ZBTB7B: variants seen among roughly 807,000 people sequenced by gnomAD.
The protein encoded by ZBTB7B is zinc finger and BTB domain containing 7B.
A neutral mutation model predicts 31.0 loss-of-function variants in ZBTB7B; 8 were observed. The observed-to-expected ratio is 0.26, with a 90% CI of 0.15 to 0.47. ZBTB7B has a LOEUF of 0.47. ZBTB7B is among the 20% of genes least tolerant of loss of function. The pLI, the probability that ZBTB7B is intolerant of heterozygous loss-of-function variation, is 0.99. For synonymous variants in ZBTB7B, 261 were observed against 307.3 expected (o/e 0.85, Z 1.58); for missense variants, 494 against 742.4 (o/e 0.67, Z 3.89).
rs900196039 is a variant in ZBTB7B at position 155,016,041 on chromosome 1, A to C, written c.1155-179A>C. ...AGGAGGGCAGTGCTGGAAGCAGAGG[A>C]GTGGATAATGACAAGGCCTAGTTAA... On this transcript the variant is annotated intron_variant, in intron 2 of 2. Coordinates refer to ENST00000535420, the MANE Select transcript of ZBTB7B (RefSeq NM_001256455.2). The surrounding 1 kb of genome is among the most constrained non-coding windows in gnomAD (Gnocchi z 4.3). Among the ~76,000 whole-genome samples, 3 of 152,078 alleles carry C rather than the reference A, an allele frequency of 2.0e-5. No individual in the cohort carries two copies. Among genetic ancestry groups the C allele is most frequent in the African/African-American group, 7.2e-5 (3 of 41,394 alleles).
rs148745415 is a variant in ZBTB7B at position 155,017,347 on chromosome 1, T to TGGGGGCAGTAGA, written c.*667_*678dup. 2,887 of 151,258 alleles carry TGGGGGCAGTAGA rather than the reference T, an allele frequency of 0.019. 45 individuals carry two copies. The highest frequency in any genetic ancestry group is 0.032 in the African/African-American group (1,338 of 41,202). 9.4% of individuals were successfully genotyped at this position (151,258 alleles called of 1,614,324 possible). A position where few individuals can be genotyped will look rare whatever the true frequency, so the allele number is the denominator to read the frequency against. ...GTGGCCTGATTGGCTCGCCTGCCCC[T>TGGGGGCAGTAGA]GGGGGCAGTAGAGGGGCCCCGCCCA... is the stretch of plus-strand genomic sequence containing the variant. On this transcript the variant is annotated 3_prime_UTR_variant, in exon 3 of 3. Coordinates refer to ENST00000535420, the MANE Select transcript of ZBTB7B (RefSeq NM_001256455.2).
chr1:155,007,597 G>A (rs1315808185), intron 1 of ZBTB7B, among the ~76,000 whole-genome samples: 2 of 152,212 alleles, frequency 1.3e-5, no homozygotes, highest in Admixed American at 6.5e-5. Context: ...GCTACCTCTT[G>A]AGGAGGTGGT....
chr1:155,016,210 C>T lies in ZBTB7B; in HGVS notation c.1155-10C>T. 1 of 1,610,876 alleles carries T rather than the reference C, an allele frequency of 6.2e-7. No homozygotes were observed. The highest frequency in any genetic ancestry group is 8.5e-7 in the Non-Finnish European group (1 of 1,177,554). ...AACACCTCCCTGCCCCTCACCCCTG[C>T]CTGTGCCAGGAACGACAAGCTGAAG... On this transcript the variant is annotated splice_polypyrimidine_tract_variant and intron_variant, in intron 2 of 2. Transcript: ENST00000535420. The surrounding 1 kb of genome is among the most constrained non-coding windows in gnomAD (Gnocchi z 4.3).
At position 155,003,931 on chromosome 1, in the gene ZBTB7B, G is replaced by T. The variant is rs1658401649; in HGVS notation, c.-7+988G>T. Reference sequence around the variant, plus strand: ...GGGGGCGGCGTGGGCAGCGGGTTGTGCCCGGACACGTGCCTGCCCAGGCGC... The same window carrying T: ...GGGGGCGGCGTGGGCAGCGGGTTGTTCCCGGACACGTGCCTGCCCAGGCGC... On this transcript the variant is annotated intron_variant, in intron 1 of 2. Coordinates refer to ENST00000535420, the MANE Select transcript of ZBTB7B (RefSeq NM_001256455.2). The surrounding 1 kb of genome is among the most constrained non-coding windows in gnomAD (Gnocchi z 5.8). 6.6e-6 allele frequency among the ~76,000 whole-genome samples: 1 copy of T among 152,186 alleles called. No individual in the cohort carries two copies. Among genetic ancestry groups the T allele is most frequent in the African/African-American group, 2.4e-5 (1 of 41,448 alleles).
At chr1:155,011,880 G>A (rs533916601) in intron 1 of ZBTB7B, among the ~76,000 whole-genome samples, 55 of 151,310 alleles carry the variant, frequency 3.6e-4, no homozygotes, top group African/African-American at 1.3e-3. Context: ...CCCAGATGAT[G>A]GGTCTAGGAG....
intron 1 of ZBTB7B, chr1:155,014,203 G>A (rs1050326117): frequency 2.9e-5 from 15 of 509,260 alleles, no homozygotes; most frequent in Non-Finnish European, 3.6e-5. Context: ...TACCACCCCC[G>A]GTCCTTCAGC....
Position 155,003,269 on chromosome 1 carries a change from G to T in ZBTB7B, c.-7+326G>T, listed in dbSNP as rs528103159. The stretch of plus-strand genomic sequence containing the variant: ...TGAGGCGACGCTGAGCGTTCCCCCA[G>T]TCTCCTTCGTGACTTTAGGGGGAGA... On this transcript the variant is annotated intron_variant, in intron 1 of 2. Transcript: ENST00000535420. The surrounding 1 kb of genome is among the most constrained non-coding windows in gnomAD (Gnocchi z 5.8). Among the ~76,000 whole-genome samples the T allele has an allele frequency of 6.6e-6, 1 of 152,314 alleles. No individual in the cohort carries two copies. The highest frequency in any genetic ancestry group is 2.1e-4 in the South Asian group (1 of 4,830).
chr1:155,005,117 G>C (rs1003228259), intron 1 of ZBTB7B, among the ~76,000 whole-genome samples: 1 of 152,122 alleles, frequency 6.6e-6, no homozygotes, highest in African/African-American at 2.4e-5. Flanking sequence ...GGGAGGGTGC[G>C]GCGGGCAGCG....
upstream of ZBTB7B, among the ~76,000 whole-genome samples, chr1:155,002,334 G>T (rs141270835): frequency 1.2e-4 from 18 of 150,274 alleles, no homozygotes; most frequent in Admixed American, 4.0e-4. Flanking sequence ...CAGGAGAAAG[G>T]GGGGGGAGAG....
chr1:155,005,720 G>A lies in ZBTB7B; in HGVS notation c.-7+2777G>A, dbSNP rs182959816. Among the ~76,000 whole-genome samples, 10 of 152,334 alleles carry A rather than the reference G, an allele frequency of 6.6e-5. No homozygotes were observed. In the East Asian group the frequency reaches 1.9e-3, roughly 29 times the overall value. Reference sequence around the variant, plus strand: ...GAGAGAACAGTGGGGGAGGAAGGTGGGGACAGGCAGATGGATAGGACCCTG... The same window carrying A: ...GAGAGAACAGTGGGGGAGGAAGGTGAGGACAGGCAGATGGATAGGACCCTG... On this transcript the variant is annotated intron_variant, in intron 1 of 2. Coordinates refer to ENST00000535420, the MANE Select transcript of ZBTB7B (RefSeq NM_001256455.2).
intron 1 of ZBTB7B, 129 bp from the exon 2 acceptor site, chr1:155,014,526 A>T: frequency 1.3e-6 from 1 of 757,990 alleles, no homozygotes; most frequent in Non-Finnish European, 2.1e-6. Flanking sequence ...AGATGAAATG[A>T]GTGTAAAGTA....
Position 155,015,372 on chromosome 1 carries a change from G to A in ZBTB7B, c.712G>A (p.Val238Met). The change falls in exon 2 of 3, where the codon GTG becomes ATG. Residue 238 changes from valine (V) to methionine (M), a missense_variant. Val to Met is a conservative substitution (Grantham distance 21). Coordinates refer to ENST00000535420, the MANE Select transcript of ZBTB7B (RefSeq NM_001256455.2). ...TCCCTTGACCTATGAGGAGGAGGAGGTGGCGGGCAGAGTGGGCAGCAGTGG... is the reference window on the plus strand; with the variant it reads ...TCCCTTGACCTATGAGGAGGAGGAGATGGCGGGCAGAGTGGGCAGCAGTGG... ...AHPLTYEEEE[V>M]AGRVGSSGGS... 1 of 1,573,830 alleles carries A rather than the reference G, an allele frequency of 6.4e-7. No homozygotes were observed. Among genetic ancestry groups the A allele is most frequent in the Non-Finnish European group, 8.6e-7 (1 of 1,156,286 alleles).
chr1:155,015,640 C>T lies in ZBTB7B; in HGVS notation c.980C>T (p.Ala327Val). Residue 327 changes from alanine (A) to valine (V), a missense_variant, in exon 2 of 3, where the codon GCA becomes GTA. Physicochemically the swap from Ala to Val is moderately conservative, Grantham distance 64 (BLOSUM62 0). This residue lies in a region of ZBTB7B where 216 missense variants were observed against 229.3 expected (regional missense o/e 0.94). Transcript: ENST00000535420. The part of the protein sequence containing the change: ...YLSSLHQDNL[A>V]PGLDSQDKLV... ...AGCTCCCTGCACCAGGACAACCTGG[C>T]ACCAGGCCTGGACAGCCAAGACAAG... The T allele has an allele frequency of 6.2e-7, 1 of 1,612,220 alleles. No homozygotes were observed.
rs1659613724 is a variant in ZBTB7B, at chr1:155,018,261, A to C, written c.*1576A>C. The C allele has an allele frequency of 4.5e-6, 2 of 447,736 alleles. No homozygotes were observed. The allele number at this position is 447,736 out of a possible 1,614,324, so 27.7% of individuals were successfully genotyped here. ...TATCTATTTAAAAAGTGATGATGTA[A>C]TATATTGGGGTGGCGGGGAGATCGG... On this transcript the variant is annotated 3_prime_UTR_variant, in exon 3 of 3. Coordinates refer to ENST00000535420, the MANE Select transcript of ZBTB7B (RefSeq NM_001256455.2).
chr1:155,010,910 T>A, intron 1 of ZBTB7B: 1 of 1,534,716 alleles, frequency 6.5e-7, no homozygotes, highest in East Asian at 2.4e-5. Context: ...CCATCATCCC[T>A]GGCAGGAAGA....
Position 155,016,078 on chromosome 1 carries a change from G to C in ZBTB7B, c.1155-142G>C. Reference sequence around the variant, plus strand: ...CAAGGCCTAGTTAAGCTAGAGGTGAGCTAGCAGGGTATCTCCTGGGGCAAT... The same window carrying C: ...CAAGGCCTAGTTAAGCTAGAGGTGACCTAGCAGGGTATCTCCTGGGGCAAT... On this transcript the variant is annotated intron_variant, in intron 2 of 2. Transcript: ENST00000535420. The surrounding 1 kb of genome is among the most constrained non-coding windows in gnomAD (Gnocchi z 4.3). 1.0e-6 allele frequency: 1 copy of C among 958,156 alleles called. No individual in the cohort carries two copies. Among genetic ancestry groups the C allele is most frequent in the Non-Finnish European group, 1.6e-6 (1 of 645,084 alleles). The allele number at this position is 958,156 out of a possible 1,614,324, so 59.4% of individuals were successfully genotyped here. A position where few individuals can be genotyped will look rare whatever the true frequency, so the allele number is the denominator to read the frequency against.
At chr1:155,006,845 C>T (rs981969780) in intron 1 of ZBTB7B, among the ~76,000 whole-genome samples, 2 of 152,190 alleles carry the variant, frequency 1.3e-5, no homozygotes, top group African/African-American at 2.4e-5. Context: ...CTTTCCTCCA[C>T]CATGGACATC....
At chr1:155,010,719 AC>A (rs1658898974) in intron 1 of ZBTB7B, among the ~76,000 whole-genome samples, 1 of 151,482 alleles carries the variant, frequency 6.6e-6, no homozygotes, top group South Asian at 2.1e-4. Flanking sequence ...CAATTTCCCC[AC>A]CCCCCTGGTC....
chr1:155,013,420 C>G (rs1659135332), intron 1 of ZBTB7B, among the ~76,000 whole-genome samples: 1 of 152,224 alleles, frequency 6.6e-6, no homozygotes, highest in African/African-American at 2.4e-5. Flanking sequence ...TCCACCCCCT[C>G]CTTGCACAGC....
Sources: gnomAD v4.1 joint callset for allele counts (sites outside exome capture counted in the v4.1 genomes callset) on GRCh38, gnomAD v4.1.1 for gene constraint, gnomAD v4.1.1 regional missense constraint, Gnocchi (gnomAD v3.1) non-coding constraint, MANE v1.5 for transcripts, NCBI Gene and HGNC (gene_info 2026-07-23, HGNC 2026-07-21) for gene names.